PCDHGA2: variants seen among roughly 807,000 people sequenced by gnomAD.
PCDHGA2 encodes protocadherin gamma subfamily A, 2, also known as protocadherin gamma-A2.
Under a neutral mutation model 59.2 loss-of-function variants are expected in PCDHGA2, and 40 were observed. The observed-to-expected ratio is 0.68, with a 90% CI of 0.52 to 0.88. The LOEUF is 0.88. Ranked by LOEUF, PCDHGA2 falls within the 40% of genes least tolerant of loss-of-function variation. The pLI is 0.00. For missense variants in PCDHGA2, 1,226 were observed against 1,204.0 expected, an observed-to-expected ratio of 1.02 and a Z score of -0.27; for synonymous variants, 560 against 526.0, an observed-to-expected ratio of 1.06 and a Z score of -0.89.
chr5:141,408,873 CCACCG>C (rs776180805), intron 1 of PCDHGA2: 50 of 1,613,104 alleles, frequency 3.1e-5, no homozygotes, highest in Non-Finnish European at 4.1e-5. Context: ...CCAAGAAGTG[CCACCG>C]CTCACATAGA....
In PCDHGA2 at chr5:141,491,633, C is replaced by T; in HGVS notation, c.2425-3174C>T. Reference sequence around the variant, plus strand: ...CTAAGACCCCTCAGCGTTCAGCAGCCCACAGCTCTGGCGCTGGAGCCTGAC... The same window carrying T: ...CTAAGACCCCTCAGCGTTCAGCAGCTCACAGCTCTGGCGCTGGAGCCTGAC... On this transcript the variant is annotated intron_variant, in intron 1 of 3. Transcript: ENST00000394576. This position sits in a 1 kb window ranked among gnomAD's most constrained non-coding sequence, Gnocchi z 6.9. 2 of 1,613,916 alleles carry T rather than the reference C, an allele frequency of 1.2e-6. No homozygotes were observed.
intron 1 of PCDHGA2, chr5:141,370,676 G>A (rs772923764): frequency 1.9e-6 from 3 of 1,613,892 alleles, no homozygotes; most frequent in Non-Finnish European, 2.5e-6. Context: ...ACCGAGAGGA[G>A]ATTTGTGGCA....
Position 141,491,797 on chromosome 5 carries a change from G to C in PCDHGA2, c.2425-3010G>C, listed in dbSNP as rs537755017. The C allele has an allele frequency of 7.9e-5, 119 of 1,506,700 alleles. No homozygotes were observed. In the Admixed American group the frequency reaches 1.4e-3, roughly 18 times the overall value. 93.3% of individuals were successfully genotyped at this position (1,506,700 alleles called of 1,614,324 possible). On this transcript the variant is annotated intron_variant, in intron 1 of 3. Coordinates refer to ENST00000394576, the MANE Select transcript of PCDHGA2 (RefSeq NM_018915.4). The surrounding 1 kb of genome is among the most constrained non-coding windows in gnomAD (Gnocchi z 6.9). The stretch of plus-strand genomic sequence containing the variant: ...ATTGAACTTGCATCCACTCCTCTCC[G>C]GCCGGCTTGGTCGCTGGCTGCGCTC...
intron 1 of PCDHGA2, chr5:141,427,746 T>A: frequency 7.9e-7 from 1 of 1,272,038 alleles, no homozygotes; most frequent in African/African-American, 1.5e-5. Flanking sequence ...AGTCTCCTAC[T>A]CCATCGTTAC....
intron 1 of PCDHGA2, among the ~76,000 whole-genome samples, chr5:141,460,764 G>A (rs2098996981): frequency 6.6e-6 from 1 of 150,516 alleles, no homozygotes; most frequent in Admixed American, 6.7e-5. Flanking sequence ...TATACATATT[G>A]CATATGTATG....
intron 1 of PCDHGA2, among the ~76,000 whole-genome samples, chr5:141,468,247 C>T (rs925455907): frequency 6.7e-6 from 1 of 149,930 alleles, no homozygotes; most frequent in Non-Finnish European, 1.5e-5. Flanking sequence ...ATTGCCTGAA[C>T]CTGGGAGGCA....
At chr5:141,502,710 C>T (rs2099815750) in intron 2 of PCDHGA2, among the ~76,000 whole-genome samples, 1 of 152,168 alleles carries the variant, frequency 6.6e-6, no homozygotes, top group South Asian at 2.1e-4. Context: ...GTTTTTACAT[C>T]AGTGATTACA....
At chr5:141,402,391 T>C (rs1344810342) in intron 1 of PCDHGA2, among the ~76,000 whole-genome samples, 3 of 151,962 alleles carry the variant, frequency 2.0e-5, no homozygotes, top group African/African-American at 7.2e-5. Context: ...AAAAATTACT[T>C]CAGAAAATTG....
intron 1 of PCDHGA2, chr5:141,350,732 G>A: frequency 6.2e-7 from 1 of 1,613,968 alleles, no homozygotes; most frequent in South Asian, 1.1e-5. Context: ...TCAAGATGCA[G>A]ATGTGGAAGG....
chr5:141,493,289 C>T lies in PCDHGA2; in HGVS notation c.2425-1518C>T, dbSNP rs925045650. 2.6e-5 allele frequency among the ~76,000 whole-genome samples: 4 copies of T among 152,176 alleles called. No individual in the cohort carries two copies. Among genetic ancestry groups the T allele is most frequent in the Non-Finnish European group, 5.9e-5 (4 of 68,030 alleles). On this transcript the variant is annotated intron_variant, in intron 1 of 3. Coordinates refer to ENST00000394576, the MANE Select transcript of PCDHGA2 (RefSeq NM_018915.4). The surrounding 1 kb of genome is among the most constrained non-coding windows in gnomAD (Gnocchi z 4.3). ...CTTCACAGAGGTCAAGTGACTTGCT[C>T]AAGTTCACAGAGCAAGTAAGAGAGA...
chr5:141,386,918 A>G (rs758924740), intron 1 of PCDHGA2, among the ~76,000 whole-genome samples: 8 of 152,206 alleles, frequency 5.3e-5, no homozygotes, highest in Non-Finnish European at 1.2e-4. Context: ...CAAGGAATGT[A>G]AAATAAGTGC....
chr5:141,422,508 C>T (rs2096653251), intron 1 of PCDHGA2: 1 of 1,613,984 alleles, frequency 6.2e-7, no homozygotes, highest in Non-Finnish European at 8.5e-7. Flanking sequence ...CAGCCACAGA[C>T]CAGGGAAGCC....
chr5:141,371,924 G>C (rs762943415), intron 1 of PCDHGA2: 1 of 1,613,364 alleles, frequency 6.2e-7, no homozygotes, highest in Admixed American at 1.7e-5. Flanking sequence ...TGAGCGCGCG[G>C]AGCGGGGTGG....
At chr5:141,394,299 C>T (rs1420097652) in intron 1 of PCDHGA2, 1 of 1,613,884 alleles carries the variant, frequency 6.2e-7, no homozygotes, top group Non-Finnish European at 8.5e-7. Flanking sequence ...CGAGGACACG[C>T]TGCAGGGGGC....
chr5:141,410,186 C>G, intron 1 of PCDHGA2: 1 of 1,613,940 alleles, frequency 6.2e-7, no homozygotes, highest in Non-Finnish European at 8.5e-7. Flanking sequence ...CACGCTTCAT[C>G]TGGTCTTCGC....
At chr5:141,430,589 G>A in intron 1 of PCDHGA2, 1 of 529,266 alleles carries the variant, frequency 1.9e-6, no homozygotes, top group Non-Finnish European at 3.1e-6. Context: ...TGCTCGCCTT[G>A]CACGCGCCTG....
intron 1 of PCDHGA2, chr5:141,371,312 A>T (rs889882138): frequency 1.9e-6 from 3 of 1,613,910 alleles, no homozygotes; most frequent in African/African-American, 2.7e-5. Context: ...CTATTGGAGA[A>T]CTGGACTTTG....
chr5:141,350,799 A>G (rs751350769), intron 1 of PCDHGA2: 2 of 1,613,900 alleles, frequency 1.2e-6, no homozygotes, highest in Non-Finnish European at 1.7e-6. Context: ...CTGTCAACGA[A>G]GGAAAGTCCT....
intron 1 of PCDHGA2, chr5:141,360,512 T>C (rs551303336): frequency 1.2e-6 from 2 of 1,613,978 alleles, no homozygotes; most frequent in Non-Finnish European, 1.7e-6. Flanking sequence ...GTGCAGGATA[T>C]AAATGATAAT....
Sources: gnomAD v4.1 joint callset for allele counts (sites outside exome capture counted in the v4.1 genomes callset) on GRCh38, gnomAD v4.1.1 for gene constraint, Gnocchi (gnomAD v3.1) non-coding constraint, MANE v1.5 for transcripts, NCBI Gene and HGNC (gene_info 2026-07-23, HGNC 2026-07-21) for gene names.